The following LAMA3 variants were observed in gnomAD, a reference collection of about 807,000 sequenced individuals.
The protein encoded by LAMA3 is laminin subunit alpha-3.
Under a neutral mutation model 402.0 loss-of-function variants are expected in LAMA3, and 281 were observed. The observed-to-expected ratio is 0.70, with a 90% confidence interval of 0.63 to 0.77. The LOEUF (loss-of-function observed/expected upper bound fraction) is 0.77. Ranked by LOEUF, LAMA3 falls within the 30% of genes least tolerant of loss-of-function variation. The pLI is 0.00. For missense variants in LAMA3, 3,840 were observed against 4,215.5 expected, an observed-to-expected ratio of 0.91 and a Z score of 2.47; for synonymous variants, 1,431 against 1,558.4, an observed-to-expected ratio of 0.92 and a Z score of 1.93.
At chr18:23,882,105 A>G (rs1366367935) in intron 40 of LAMA3, 60 bp downstream of exon 40, 20 of 1,098,206 alleles carry the variant, frequency 1.8e-5, no homozygotes, top group Non-Finnish European at 2.8e-5. Flanking sequence ...GCTGCCTAGG[A>G]CTAGGGGTGG....
At chr18:23,942,315 G>A (rs2082551138) in intron 68 of LAMA3, among the ~76,000 whole-genome samples, 1 of 152,160 alleles carries the variant, frequency 6.6e-6, no homozygotes, top group African/African-American at 2.4e-5. Context: ...GTTGACATCT[G>A]CATCTCCCAC....
rs2081543682 is a variant in LAMA3 at position 23,914,522 on chromosome 18, A to C, written c.7442A>C (p.Glu2481Ala). The C allele has an allele frequency of 1.9e-6, 3 of 1,614,158 alleles. No homozygotes were observed. In the South Asian group the frequency reaches 3.3e-5, roughly 18 times the overall value. ...LQVDQILTKS[E>A]TKEAVMDRVK... is the part of the protein sequence containing the mutation. Reference sequence around the variant, plus strand: ...GTGGACCAGATCTTGACCAAGAGTGAGACTAAGGAGGCAGTTATGGATCGG... The same window carrying C: ...GTGGACCAGATCTTGACCAAGAGTGCGACTAAGGAGGCAGTTATGGATCGG... Residue 2481 changes from glutamate to alanine, a missense_variant, in exon 57 of 75, where the codon GAG becomes GCG. Physicochemically the swap from Glu to Ala is moderately radical, Grantham distance 107. This residue lies in a region of LAMA3 where 891 missense variants were observed against 857.5 expected (regional missense o/e 1.04). Coordinates refer to ENST00000313654, the MANE Select transcript of LAMA3 (RefSeq NM_198129.4).
chr18:23,883,400 A>C (rs538816393), intron 40 of LAMA3, among the ~76,000 whole-genome samples: 1 of 152,330 alleles, frequency 6.6e-6, no homozygotes, highest in Admixed American at 6.5e-5. Flanking sequence ...GGCCCAAGCA[A>C]AGAATGATGT....
chr18:23,701,067 C>G (rs1245163281), intron 1 of LAMA3, among the ~76,000 whole-genome samples: 1 of 152,160 alleles, frequency 6.6e-6, no homozygotes, highest in African/African-American at 2.4e-5. Context: ...TAATAAGACA[C>G]TGATAAAAGG....
chr18:23,693,459 C>T (rs6507857), intron 1 of LAMA3, among the ~76,000 whole-genome samples: 1 of 151,322 alleles, frequency 6.6e-6, no homozygotes, highest in Non-Finnish European at 1.5e-5. Flanking sequence ...TTGAATGACT[C>T]CTTTTAGCAT....
chr18:23,925,823 G>T (rs2081987258), intron 62 of LAMA3, among the ~76,000 whole-genome samples: 1 of 152,202 alleles, frequency 6.6e-6, no homozygotes, highest in African/African-American at 2.4e-5. Context: ...CACTTCTGCT[G>T]TAGGTAACTC....
chr18:23,826,985 C>T lies in LAMA3; in HGVS notation c.2669+186C>T, dbSNP rs192193460. On this transcript the variant is annotated intron_variant, in intron 22 of 74. Transcript: ENST00000313654. ...AAGATTCACAAAGCACTTTGCACAC[C>T]ATAGCTGGCTTAGGAGTGGCTACCA... Among the ~76,000 whole-genome samples the T allele has an allele frequency of 1.7e-3, 258 of 152,308 alleles. 1 individual carries two copies. The highest frequency in any genetic ancestry group is 6.0e-3 in the African/African-American group (249 of 41,566).
intron 8 of LAMA3, among the ~76,000 whole-genome samples, chr18:23,770,298 A>G (rs923210597): frequency 1.3e-5 from 2 of 152,216 alleles, no homozygotes; most frequent in African/African-American, 4.8e-5. Context: ...TAGGCAAGTT[A>G]CAGACAGAAA....
chr18:23,853,294 A>T, intron 32 of LAMA3, among the ~76,000 whole-genome samples: 1 of 152,138 alleles, frequency 6.6e-6, no homozygotes, highest in Non-Finnish European at 1.5e-5. Flanking sequence ...TTCATTTGAG[A>T]TGGAGTTTCA....
At chr18:23,907,486 C>A in intron 52 of LAMA3, 64 bp from the exon 53 acceptor site, 1 of 1,207,820 alleles carries the variant, frequency 8.3e-7, no homozygotes, top group South Asian at 1.2e-5. Context: ...TCAGGGGCCA[C>A]AAATACCAAT....
rs8095038 is a variant in LAMA3, at chr18:23,791,895, G to T, written c.1603+7738G>T. Reference sequence around the variant, plus strand: ...TTCTTGAATTTAGAAGTAAATACAAGGAAAATATTTAAAAACCACCCATAT... The same window carrying T: ...TTCTTGAATTTAGAAGTAAATACAATGAAAATATTTAAAAACCACCCATAT... On this transcript the variant is annotated intron_variant, in intron 12 of 74. Transcript: ENST00000313654. Among the ~76,000 whole-genome samples, 531 of 152,150 alleles carry T rather than the reference G, an allele frequency of 3.5e-3. 1 individual carries two copies. Among genetic ancestry groups the T allele is most frequent in the African/African-American group, 0.012 (499 of 41,496 alleles).
At chr18:23,735,787 T>C (rs1213548311) in intron 2 of LAMA3, among the ~76,000 whole-genome samples, 1 of 152,030 alleles carries the variant, frequency 6.6e-6, no homozygotes, top group Non-Finnish European at 1.5e-5. Flanking sequence ...GAGTGTGGAG[T>C]CTAGAGCTGG....
Position 23,905,629 on chromosome 18 carries a change from T to G in LAMA3, c.6718+5T>G. On this transcript the variant is annotated splice_donor_5th_base_variant and intron_variant, in intron 52 of 74. Transcript: ENST00000313654. ...CACAAAAGAAGCTAAAGCAAGGTAT[T>G]AGGGGGAGTGGGCAATGGCAGGGAT... The G allele has an allele frequency of 6.5e-7, 1 of 1,545,546 alleles. No individual in the cohort carries two copies. The highest frequency in any genetic ancestry group is 8.9e-7 in the Non-Finnish European group (1 of 1,118,704).
At chr18:23,741,619 C>G (rs2061564965) in intron 2 of LAMA3, among the ~76,000 whole-genome samples, 1 of 151,926 alleles carries the variant, frequency 6.6e-6, no homozygotes, top group Admixed American at 6.6e-5. Flanking sequence ...TATTTTGTAC[C>G]TGGGTAGTAG....
At chr18:23,803,955 C>T (rs955479412) in intron 12 of LAMA3, among the ~76,000 whole-genome samples, 2 of 152,144 alleles carry the variant, frequency 1.3e-5, no homozygotes, top group African/African-American at 4.8e-5. Context: ...CTGCTTGGAT[C>T]CAATCTTATG....
chr18:23,758,068 A>G (rs1435732495), intron 6 of LAMA3, among the ~76,000 whole-genome samples: 1 of 152,180 alleles, frequency 6.6e-6, no homozygotes, highest in Non-Finnish European at 1.5e-5. Context: ...GTGTTCCTTT[A>G]TTGTAACAAT....
rs1400682719 is a variant in LAMA3 at position 23,827,452 on chromosome 18, C to A, written c.2808C>A (p.Asp936Glu). ...QPTPAHPVMV[D>E]LSGREVELHL... The stretch of plus-strand genomic sequence containing the variant: ...CACCTGCACACCCTGTCATGGTGGA[C>A]CTCAGCGGGAGAGAGGTGGGCCAGC... Residue 936 changes from aspartate to glutamate, a missense_variant, in exon 23 of 75, where the codon GAC (aspartate) becomes GAA (glutamate). By Grantham distance (45) the Asp-to-Glu change is conservative. This residue lies in a region of LAMA3 where 2,109 missense variants were observed against 2,376.0 expected (regional missense o/e 0.89). Transcript: ENST00000313654. 6.2e-7 allele frequency: 1 copy of A among 1,614,150 alleles called. No individual in the cohort carries two copies. Among genetic ancestry groups the A allele is most frequent in the Non-Finnish European group, 8.5e-7 (1 of 1,180,042 alleles).
rs2063300581 is a variant in LAMA3, at chr18:23,822,290, T to C, written c.2343T>C (p.Ser781=). Residue 781 remains serine, a synonymous_variant, in exon 20 of 75, where the codon AGT becomes AGC. Coordinates refer to ENST00000313654, the MANE Select transcript of LAMA3 (RefSeq NM_198129.4). ...TAACATTGAATGTAGGGAAGTCAAG[T>C]GGCTCCTTGTTTCGTGTTATTCTGA... is the stretch of plus-strand genomic sequence containing the variant. ...VRITLNVGKS[S]GSLFRVILRY... 6.2e-7 allele frequency: 1 copy of C among 1,613,724 alleles called. No homozygotes were observed.
At chr18:23,843,794 G>A (rs1420035711) in intron 29 of LAMA3, among the ~76,000 whole-genome samples, 1 of 151,972 alleles carries the variant, frequency 6.6e-6, no homozygotes, top group Non-Finnish European at 1.5e-5. Context: ...CCTACTCCAC[G>A]CCTCCCACAC....
Sources: allele counts gnomAD v4.1 joint callset (sites outside exome capture counted in the v4.1 genomes callset), GRCh38; gene constraint gnomAD v4.1.1; regional missense constraint gnomAD v4.1.1; transcripts MANE v1.5; gene names NCBI Gene and HGNC (gene_info 2026-07-23, HGNC 2026-07-21).